SYNE1: variants seen among roughly 807,000 people sequenced by gnomAD.
SYNE1 encodes spectrin repeat containing nuclear envelope protein 1, also known as nesprin-1.
In SYNE1, 616 loss-of-function variants were observed where a neutral mutation model predicts 1,111.0. That is an observed-to-expected ratio of 0.55 (90% CI 0.52 to 0.59). The LOEUF is 0.59. Ranked by LOEUF, SYNE1 falls within the 20% of genes least tolerant of loss-of-function variation. The pLI, the probability that SYNE1 is intolerant of heterozygous loss-of-function variation, is 0.00. For synonymous variants in SYNE1, 3,855 were observed against 3,825.8 expected (o/e 1.01, Z -0.28); for missense variants, 10,006 against 10,417.0 (o/e 0.96, Z 1.72).
At chr6:152,259,587 C>T (rs2091613901) in intron 101 of SYNE1, among the ~76,000 whole-genome samples, 2 of 152,126 alleles carry the variant, frequency 1.3e-5, no homozygotes, top group South Asian at 4.1e-4. Context: ...TCCAGATTCA[C>T]CTCTTCTTAG....
intron 42 of SYNE1, 113 bp downstream of exon 42, chr6:152,413,239 A>G (rs934829244): frequency 4.0e-5 from 47 of 1,162,614 alleles, no homozygotes; most frequent in Admixed American, 2.8e-4. Flanking sequence ...CAGAATATCT[A>G]AAATGGTAAA....
chr6:152,634,603 C>T (rs2099703170), intron 2 of SYNE1, among the ~76,000 whole-genome samples: 1 of 152,160 alleles, frequency 6.6e-6, no homozygotes, highest in Non-Finnish European at 1.5e-5. Flanking sequence ...GGGAACAATG[C>T]TGTTTCTTAT....
chr6:152,189,206 C>T (rs1164160535), intron 128 of SYNE1, 46 bp downstream of exon 128: 2 of 1,606,904 alleles, frequency 1.2e-6, no homozygotes, highest in South Asian at 2.2e-5. Flanking sequence ...ATTCATCTCC[C>T]AATTTTCCAT....
chr6:152,569,063 G>A (rs2099430286), intron 3 of SYNE1, among the ~76,000 whole-genome samples: 1 of 152,122 alleles, frequency 6.6e-6, no homozygotes, highest in South Asian at 2.1e-4. Context: ...CCTAGTCTCA[G>A]TATTATCATA....
intron 91 of SYNE1, chr6:152,302,281 C>T: frequency 3.2e-6 from 2 of 626,266 alleles, no homozygotes; most frequent in Non-Finnish European, 5.7e-6. Context: ...CCCGAGCCCG[C>T]GTCCCCGCGT....
chr6:152,217,637 A>C (rs9479266), intron 121 of SYNE1, among the ~76,000 whole-genome samples: 6,635 of 152,092 alleles, frequency 0.044, 488 homozygotes, highest in African/African-American at 0.15. Context: ...ATAGGAGTAG[A>C]TTGAGCTAGG....
At chr6:152,335,541 G>A (rs1238986062) in intron 76 of SYNE1, 2 of 151,772 alleles carry the variant, frequency 1.3e-5, no homozygotes, top group East Asian at 1.9e-4. Flanking sequence ...TTATTATCCC[G>A]ATCCCTATTC....
Position 152,436,095 on chromosome 6 carries a change from A to G in SYNE1, c.4156T>C (p.Ser1386Pro), listed in dbSNP as rs1554696981. Residue 1386 changes from serine to proline, a missense_variant, in exon 33 of 146, where the codon TCT becomes CCT. Transcript: ENST00000367255. ...SSELEQTKEFSKRTESIAVQA... is the reference protein window; with the variant it reads ...SSELEQTKEFPKRTESIAVQA... ...ACTGCAATACTTTCTGTCCGTTTAG[A>G]AAACTCCTAGAAAAAATATTATGAT... 2 of 1,613,790 alleles carry G rather than the reference A, an allele frequency of 1.2e-6. No homozygotes were observed. Among genetic ancestry groups the G allele is most frequent in the African/African-American group, 2.7e-5 (2 of 75,010 alleles).
intron 3 of SYNE1, among the ~76,000 whole-genome samples, chr6:152,568,297 T>C (rs1271248951): frequency 7.3e-6 from 1 of 136,386 alleles, no homozygotes; most frequent in Non-Finnish European, 1.6e-5. Context: ...TTCTTTTTTT[T>C]TTTTTTTTTT....
rs2098643403 is a variant in SYNE1 at position 152,450,965 on chromosome 6, C to G, written c.3186+82G>C. On this transcript the variant is annotated intron_variant, in intron 26 of 145. Coordinates refer to ENST00000367255, the MANE Select transcript of SYNE1 (RefSeq NM_182961.4). ...AGTAATTAAGCTATTATTTTTCAGA[C>G]TCAAACCAAAATATTAGTAATATCC... The G allele has an allele frequency of 2.5e-6, 4 of 1,606,424 alleles. No individual in the cohort carries two copies. The East Asian group carries it at 8.9e-5, about 36-fold the overall frequency.
rs149360766 is a variant in SYNE1, at chr6:152,442,303, G to C, written c.3838-58C>G. 161 of 1,598,116 alleles carry C rather than the reference G, an allele frequency of 1.0e-4. No individual in the cohort carries two copies. The African/African-American group carries it at 2.0e-3, about 19-fold the overall frequency. ...TTGTGCTCTCTAAACAGCTAAGTAG[G>C]GACATCAACACCCACGCTTAACAGA... On this transcript the variant is annotated intron_variant, in intron 30 of 145. Transcript: ENST00000367255.
rs202076757 is a variant in SYNE1, at chr6:152,442,056, C to T, written c.4008+19G>A. On this transcript the variant is annotated intron_variant, in intron 31 of 145. Coordinates refer to ENST00000367255, the MANE Select transcript of SYNE1 (RefSeq NM_182961.4). ...CTGCCCAGCCTCTGTTTAAATGGCC[C>T]CTAACTTCCGGCTCCTACCTGGATG... 1,461 of 1,613,872 alleles carry T rather than the reference C, an allele frequency of 9.1e-4. 1 individual carries two copies. The highest frequency in any genetic ancestry group is 3.6e-3 in the Middle Eastern group (21 of 5,854).
At chr6:152,540,229 T>C (rs1207160355) in intron 3 of SYNE1, among the ~76,000 whole-genome samples, 1 of 152,188 alleles carries the variant, frequency 6.6e-6, no homozygotes, top group African/African-American at 2.4e-5. Context: ...GCAAATGCTT[T>C]AAAATTTGCC....
At chr6:152,465,661 A>T (rs62427039) in intron 17 of SYNE1, among the ~76,000 whole-genome samples, 5,502 of 152,050 alleles carry the variant, frequency 0.036, 137 homozygotes, top group Middle Eastern at 0.065. Context: ...TTAATTTCTC[A>T]TTTACTTGAT....
intron 2 of SYNE1, among the ~76,000 whole-genome samples, chr6:152,631,998 G>A (rs971097038): frequency 2.0e-5 from 3 of 151,976 alleles, no homozygotes; most frequent in Admixed American, 6.6e-5. Flanking sequence ...ACCACTTGAA[G>A]CTTTTCCTAA....
intron 124 of SYNE1, among the ~76,000 whole-genome samples, chr6:152,209,928 C>T (rs1268381388): frequency 6.6e-6 from 1 of 152,134 alleles, no homozygotes; most frequent in East Asian, 1.9e-4. Context: ...ATGTACAACT[C>T]CAGGACTTGA....
chr6:152,154,906 G>A lies in SYNE1; in HGVS notation c.24115C>T (p.Leu8039=), dbSNP rs368392483. The change falls in exon 133 of 146, where the codon CTA becomes TTA. Residue 8039 remains leucine, a synonymous_variant. Coordinates refer to ENST00000367255, the MANE Select transcript of SYNE1 (RefSeq NM_182961.4). ...GVIYTVAKEE[L]KKFEAFQRQV... is the part of the protein sequence containing the mutation. ...TTATAGATTACCTCAAATTTCTTTA[G>A]TTCTTCCTTGGCAACTGTATAGATC... 6.2e-7 allele frequency: 1 copy of A among 1,614,098 alleles called. No homozygotes were observed. Among genetic ancestry groups the A allele is most frequent in the African/African-American group, 1.3e-5 (1 of 75,016 alleles).
chr6:152,220,878 G>A lies in SYNE1; in HGVS notation c.21825C>T (p.Ala7275=), dbSNP rs746044264. ...GAATCCATGTGGCAACCTCATCATCGGCAATGTCCTTGTTTGTGGCTGCCT... is the reference window on the plus strand; with the variant it reads ...GAATCCATGTGGCAACCTCATCATCAGCAATGTCCTTGTTTGTGGCTGCCT... The part of the protein sequence containing the change: ...LLKAATNKDI[A]DDEVATWIQD... Residue 7275 remains alanine (A), a synonymous_variant, in exon 119 of 146, where the codon GCC becomes GCT. Transcript: ENST00000367255. 2.0e-5 allele frequency: 32 copies of A among 1,613,898 alleles called. No homozygotes were observed. The highest frequency in any genetic ancestry group is 1.9e-4 in the South Asian group (17 of 91,076).
intron 6 of SYNE1, among the ~76,000 whole-genome samples, chr6:152,517,570 T>C (rs1326624221): frequency 6.6e-6 from 1 of 152,218 alleles, no homozygotes; most frequent in Admixed American, 6.5e-5. Context: ...TTAAAAATAC[T>C]AGAAACAACC....
Sources: gnomAD v4.1 joint callset for allele counts (sites outside exome capture counted in the v4.1 genomes callset) on GRCh38, gnomAD v4.1.1 for gene constraint, MANE v1.5 for transcripts, NCBI Gene and HGNC (gene_info 2026-07-23, HGNC 2026-07-21) for gene names.